Variants in ASXL2 observed in about 807,000 individuals in gnomAD.
The protein encoded by ASXL2 is ASXL transcriptional regulator 2, also known as putative Polycomb group protein ASXL2.
Under a neutral mutation model 122.0 loss-of-function variants are expected in ASXL2, and 23 were observed. That is an observed-to-expected ratio of 0.19 (90% CI 0.14 to 0.27). The LOEUF (loss-of-function observed/expected upper bound fraction) is 0.27, where lower values mean the gene tolerates loss of function less well. Among genes scored for constraint, ASXL2 ranks in the 10% least tolerant of loss-of-function variants. The pLI, the probability that ASXL2 is intolerant of heterozygous loss-of-function variation, is 1.00. For missense variants in ASXL2, 1,518 were observed against 1,713.8 expected, an observed-to-expected ratio of 0.89 and a Z score of 2.02; for synonymous variants, 650 against 637.0, an observed-to-expected ratio of 1.02 and a Z score of -0.31.
intron 3 of ASXL2, among the ~76,000 whole-genome samples, chr2:25,824,543 T>C (rs1450192995): frequency 6.6e-6 from 1 of 152,122 alleles, no homozygotes; most frequent in Admixed American, 6.5e-5. Context: ...AAGTTTAAAA[T>C]GTACACTATC....
intron 3 of ASXL2, among the ~76,000 whole-genome samples, chr2:25,834,410 A>G (rs2089485886): frequency 1.3e-5 from 2 of 152,172 alleles, no homozygotes; most frequent in African/African-American, 2.4e-5. Context: ...TCAAACAAAC[A>G]TAACACAAAA....
At chr2:25,869,680 G>C (rs1187505585) in intron 1 of ASXL2, among the ~76,000 whole-genome samples, 1 of 152,082 alleles carries the variant, frequency 6.6e-6, no homozygotes, top group Non-Finnish European at 1.5e-5. Flanking sequence ...AGCAAGGCAT[G>C]GTGGCGTGCG....
At chr2:25,816,396 T>C (rs909526100) in intron 3 of ASXL2, among the ~76,000 whole-genome samples, 12 of 152,198 alleles carry the variant, frequency 7.9e-5, no homozygotes, top group Non-Finnish European at 1.8e-4. Context: ...TACGTTACAG[T>C]AAGTGAAATA....
At chr2:25,776,853 T>C (rs2088554434) in intron 5 of ASXL2, among the ~76,000 whole-genome samples, 1 of 152,188 alleles carries the variant, frequency 6.6e-6, no homozygotes, top group African/African-American at 2.4e-5. Context: ...ATAATAATTC[T>C]ACTCTGCAGC....
intron 1 of ASXL2, chr2:25,856,363 CTT>C (rs70950127): frequency 0.023 from 5,368 of 230,630 alleles, 1 homozygote; most frequent in East Asian, 0.068. Context: ...CTGGCCTATA[CTT>C]TTTTTTTTTT....
intron 3 of ASXL2, 65 bp from the exon 4 acceptor site, chr2:25,806,402 T>G (rs550619148): frequency 9.4e-7 from 1 of 1,060,964 alleles, no homozygotes; most frequent in Non-Finnish European, 1.4e-6. Context: ...GAATATCCTA[T>G]GTAACACTCA....
rs1298810946 is a variant in ASXL2 at position 25,827,270 on chromosome 2, TTAA to T, written c.143+8265_143+8267del. ...TTATTCACATATGAACTCTCGAAATTTAATACTACATAACTTTAAGACCAAAAA... is the reference window on the plus strand; with the variant it reads ...TTATTCACATATGAACTCTCGAAATTTACTACATAACTTTAAGACCAAAAA... On this transcript the variant is annotated intron_variant, in intron 3 of 12. Coordinates refer to ENST00000435504, the MANE Select transcript of ASXL2 (RefSeq NM_018263.6). 1.9e-4 allele frequency among the ~76,000 whole-genome samples: 29 copies of T among 152,144 alleles called. 1 individual carries two copies. The highest frequency in any genetic ancestry group is 1.5e-5 in the Non-Finnish European group (1 of 68,030).
intron 5 of ASXL2, among the ~76,000 whole-genome samples, chr2:25,776,835 T>C (rs550889686): frequency 2.0e-5 from 3 of 152,304 alleles, no homozygotes; most frequent in African/African-American, 7.2e-5. Flanking sequence ...ATAACTCCAC[T>C]AGAAAATATA....
intron 4 of ASXL2, among the ~76,000 whole-genome samples, chr2:25,804,114 C>G (rs1379451610): frequency 6.6e-6 from 1 of 152,020 alleles, no homozygotes; most frequent in Non-Finnish European, 1.5e-5. Flanking sequence ...AGCCCTGTAA[C>G]CCCAGGAAAT....
chr2:25,803,763 C>T (rs970890460), intron 4 of ASXL2, among the ~76,000 whole-genome samples: 2 of 152,116 alleles, frequency 1.3e-5, no homozygotes, highest in African/African-American at 2.4e-5. Context: ...GCCACTGATC[C>T]GACAGGAGGC....
In ASXL2 at chr2:25,744,284, A is replaced by AGGCGGCTGCAGCAGCTGCGGCGGCAGC; in HGVS notation, c.2026_2052dup (p.Ala676_Ala684dup). The AGGCGGCTGCAGCAGCTGCGGCGGCAGC allele has an allele frequency of 3.7e-6, 6 of 1,612,028 alleles. No homozygotes were observed. Among genetic ancestry groups the AGGCGGCTGCAGCAGCTGCGGCGGCAGC allele is most frequent in the East Asian group, 4.5e-5 (2 of 44,868 alleles). ...GGTCCTGGAATGGTCCCTCCAACTG[A>AGGCGGCTGCAGCAGCTGCGGCGGCAGC]GGCGGCTGCAGCAGCTGCGGCGGCA... On this transcript the variant is annotated inframe_insertion, in exon 13 of 13. Coordinates refer to ENST00000435504, the MANE Select transcript of ASXL2 (RefSeq NM_018263.6). This position sits in a 1 kb window ranked among gnomAD's most constrained non-coding sequence, Gnocchi z 4.7.
intron 8 of ASXL2, among the ~76,000 whole-genome samples, chr2:25,765,693 T>C (rs532464028): frequency 6.6e-6 from 1 of 152,328 alleles, no homozygotes; most frequent in South Asian, 2.1e-4. Flanking sequence ...TCCTGGTCCA[T>C]AATTTCTCAA....
At chr2:25,840,402 T>C (rs1416887513) in intron 2 of ASXL2, among the ~76,000 whole-genome samples, 1 of 152,218 alleles carries the variant, frequency 6.6e-6, no homozygotes, top group African/African-American at 2.4e-5. Flanking sequence ...GTTACCATTT[T>C]AACCGTTTTT....
intron 8 of ASXL2, among the ~76,000 whole-genome samples, chr2:25,764,958 A>C (rs898381601): frequency 6.6e-6 from 1 of 152,312 alleles, no homozygotes; most frequent in African/African-American, 2.4e-5. Context: ...ATTTTAGTAA[A>C]GATGACTTAC....
At chr2:25,798,308 C>T (rs182125726) in intron 5 of ASXL2, among the ~76,000 whole-genome samples, 51 of 152,198 alleles carry the variant, frequency 3.4e-4, no homozygotes, top group Middle Eastern at 6.8e-3. Context: ...TGCACCTGTA[C>T]CCCTGAACTT....
In ASXL2 at chr2:25,742,781, T is replaced by C. The variant is rs777213228; in HGVS notation, c.3556A>G (p.Thr1186Ala). Reference sequence around the variant, plus strand: ...GTGACAGATTCCTGCTCATCACCAGTACTTTCCTCATCAGTGTCATCTTCT... The same window carrying C: ...GTGACAGATTCCTGCTCATCACCAGCACTTTCCTCATCAGTGTCATCTTCT... ...SKEDDTDEES[T>A]GDEQESVTVK... Residue 1186 changes from threonine (T) to alanine (A), a missense_variant, in exon 13 of 13, where the codon ACT becomes GCT. By Grantham distance (58) the Thr-to-Ala change is moderately conservative (BLOSUM62 0). Coordinates refer to ENST00000435504, the MANE Select transcript of ASXL2 (RefSeq NM_018263.6). 7 of 1,614,036 alleles carry C rather than the reference T, an allele frequency of 4.3e-6. No individual in the cohort carries two copies. The highest frequency in any genetic ancestry group is 5.9e-6 in the Non-Finnish European group (7 of 1,179,894).
chr2:25,747,079 C>T (rs188490038), intron 12 of ASXL2, among the ~76,000 whole-genome samples: 377 of 152,212 alleles, frequency 2.5e-3, no homozygotes, highest in Middle Eastern at 0.01. Flanking sequence ...AATGTAAATG[C>T]TATATAAATT....
intron 5 of ASXL2, among the ~76,000 whole-genome samples, chr2:25,794,814 C>T (rs781734570): frequency 2.2e-4 from 33 of 152,068 alleles, no homozygotes; most frequent in Admixed American, 1.7e-3. Flanking sequence ...AGAGTAAAGG[C>T]CCGAAATAAG....
At chr2:25,778,370 T>C (rs1486686543) in intron 5 of ASXL2, among the ~76,000 whole-genome samples, 1 of 152,074 alleles carries the variant, frequency 6.6e-6, no homozygotes, top group Non-Finnish European at 1.5e-5. Flanking sequence ...GGCAAGGAAG[T>C]CAGCAAGAAA....
Sources: allele counts gnomAD v4.1 joint callset (sites outside exome capture counted in the v4.1 genomes callset), GRCh38; gene constraint gnomAD v4.1.1; non-coding constraint Gnocchi (gnomAD v3.1); transcripts MANE v1.5; gene names NCBI Gene and HGNC (gene_info 2026-07-23, HGNC 2026-07-21).